RNF11: variants seen among roughly 807,000 people sequenced by gnomAD.
RNF11 encodes the protein ring finger protein 11.
Under a neutral mutation model 15.8 loss-of-function variants are expected in RNF11, and 4 were observed. The ratio of observed to expected loss-of-function variants is 0.25; its 90% CI spans 0.12 to 0.58. The LOEUF (loss-of-function observed/expected upper bound fraction) is 0.58. RNF11 is among the 20% of genes least tolerant of loss of function. RNF11 has a pLI of 0.91. For missense variants in RNF11, 139 were observed against 194.4 expected (o/e 0.71, Z 1.70); for synonymous variants, 68 against 72.3 (o/e 0.94, Z 0.30).
intron 1 of RNF11, among the ~76,000 whole-genome samples, chr1:51,256,232 C>T (rs1036304454): frequency 2.0e-5 from 3 of 152,116 alleles, no homozygotes; most frequent in Non-Finnish European, 4.4e-5. Flanking sequence ...TTCATCCCTC[C>T]CCCCAACACC....
At chr1:51,245,313 C>T (rs1646846894) in intron 1 of RNF11, among the ~76,000 whole-genome samples, 1 of 152,090 alleles carries the variant, frequency 6.6e-6, no homozygotes, top group Non-Finnish European at 1.5e-5. Context: ...CCACCACACC[C>T]AGCTATTTTT....
intron 1 of RNF11, among the ~76,000 whole-genome samples, chr1:51,241,750 A>G (rs1290811011): frequency 2.0e-5 from 3 of 152,186 alleles, no homozygotes; most frequent in Non-Finnish European, 4.4e-5. Flanking sequence ...AAATCTGCCC[A>G]GCGAAGGCAA....
chr1:51,264,090 C>T (rs1177882694), intron 1 of RNF11, among the ~76,000 whole-genome samples: 1 of 151,074 alleles, frequency 6.6e-6, no homozygotes, highest in African/African-American at 2.4e-5. Context: ...CCTGTCTCTA[C>T]AAAATGTATA....
chr1:51,238,668 C>A (rs1178609608), intron 1 of RNF11, among the ~76,000 whole-genome samples: 1 of 152,026 alleles, frequency 6.6e-6, no homozygotes, highest in African/African-American at 2.4e-5. Context: ...AGCAAGCAAG[C>A]TATGTTTATC....
intron 1 of RNF11, among the ~76,000 whole-genome samples, chr1:51,242,930 T>C (rs1244503064): frequency 6.6e-6 from 1 of 152,210 alleles, no homozygotes; most frequent in African/African-American, 2.4e-5. Flanking sequence ...CTTTTAACAA[T>C]TTACCTTTTT....
At chr1:51,250,332 A>G (rs1331450192) in intron 1 of RNF11, among the ~76,000 whole-genome samples, 1 of 152,184 alleles carries the variant, frequency 6.6e-6, no homozygotes, top group East Asian at 1.9e-4. Context: ...GCAGTTTTCA[A>G]GTATACACAA....
Position 51,236,573 on chromosome 1 carries a change from C to T in RNF11, c.-184C>T. The T allele has an allele frequency of 2.0e-6, 1 of 488,226 alleles. No individual in the cohort carries two copies. Among genetic ancestry groups the T allele is most frequent in the South Asian group, 2.4e-5 (1 of 40,888 alleles). The allele number at this position is 488,226 out of a possible 1,614,324, so 30.2% of individuals were successfully genotyped here. A position where few individuals can be genotyped will look rare whatever the true frequency, so the allele number is the denominator to read the frequency against. On this transcript the variant is annotated 5_prime_UTR_variant, in exon 1 of 3. Coordinates refer to ENST00000242719, the MANE Select transcript of RNF11 (RefSeq NM_014372.5). The stretch of plus-strand genomic sequence containing the variant: ...GCGGAGCCCGCGGCCCAGCCTTGAT[C>T]CCCCAACCCCGGGGGCTGGCATGAG...
chr1:51,251,629 A>G (rs956393477), intron 1 of RNF11, among the ~76,000 whole-genome samples: 1 of 152,224 alleles, frequency 6.6e-6, no homozygotes, highest in Admixed American at 6.5e-5. Flanking sequence ...TAAAGCATTC[A>G]CATCTATTAT....
intron 1 of RNF11, among the ~76,000 whole-genome samples, chr1:51,258,839 C>T (rs1646916646): frequency 6.6e-6 from 1 of 152,184 alleles, no homozygotes; most frequent in African/African-American, 2.4e-5. Context: ...ATTACTAAGG[C>T]ACCAATTCCT....
chr1:51,266,816 T>C (rs1423602278), intron 1 of RNF11, among the ~76,000 whole-genome samples: 1 of 152,224 alleles, frequency 6.6e-6, no homozygotes, highest in African/African-American at 2.4e-5. Context: ...ATATAATGTA[T>C]ATTACAAGAA....
chr1:51,241,883 C>T (rs773503048), intron 1 of RNF11, among the ~76,000 whole-genome samples: 1 of 152,118 alleles, frequency 6.6e-6, no homozygotes, highest in Non-Finnish European at 1.5e-5. Flanking sequence ...CTTGAGGTAC[C>T]CCTGTGTCAC....
intron 1 of RNF11, among the ~76,000 whole-genome samples, chr1:51,245,093 C>T (rs1646845908): frequency 6.6e-6 from 1 of 152,150 alleles, no homozygotes; most frequent in African/African-American, 2.4e-5. Flanking sequence ...CATAATCTTA[C>T]TCTGTTGCCT....
rs574332096 is a variant in RNF11, at chr1:51,263,248, A to T, written c.124-6708A>T. 2.0e-4 allele frequency among the ~76,000 whole-genome samples: 31 copies of T among 152,354 alleles called. 1 individual carries two copies. The South Asian group carries it at 6.0e-3, about 30-fold the overall frequency. On this transcript the variant is annotated intron_variant, in intron 1 of 2. Transcript: ENST00000242719. ...CATAACACTGTTATTCACAGTAGCT[A>T]ACAAGTAGAAACAACCCATGTCCAT...
intron 1 of RNF11, among the ~76,000 whole-genome samples, chr1:51,246,575 G>A (rs1029588687): frequency 6.6e-6 from 1 of 151,766 alleles, no homozygotes; most frequent in African/African-American, 2.4e-5. Flanking sequence ...GCATGGGGAA[G>A]GCCAGGTGTG....
chr1:51,268,112 A>G (rs1646963112), intron 1 of RNF11, among the ~76,000 whole-genome samples: 1 of 152,226 alleles, frequency 6.6e-6, no homozygotes, highest in African/African-American at 2.4e-5. Context: ...CAATTGAATC[A>G]GGATTCCATT....
At chr1:51,262,015 C>T (rs497110) in intron 1 of RNF11, among the ~76,000 whole-genome samples, 3,916 of 152,286 alleles carry the variant, frequency 0.026, 79 homozygotes, top group Non-Finnish European at 0.037. Flanking sequence ...CCACCACCCC[C>T]AGCTAATTTT....
chr1:51,269,974 G>C lies in RNF11; in HGVS notation c.142G>C (p.Val48Leu). ...PPYQEQVPVPVYHPTPSQTRL... is the reference protein window; with the variant it reads ...PPYQEQVPVPLYHPTPSQTRL... ...ATTTTAGGAACAAGTTCCAGTTCCA[G>C]TCTACCACCCAACACCTAGCCAGAC... Residue 48 changes from valine (V) to leucine (L), a missense_variant, in exon 2 of 3, where the codon GTC becomes CTC. By Grantham distance (32) the Val-to-Leu change is conservative. Coordinates refer to ENST00000242719, the MANE Select transcript of RNF11 (RefSeq NM_014372.5). The C allele has an allele frequency of 1.2e-6, 2 of 1,612,542 alleles. No individual in the cohort carries two copies. Among genetic ancestry groups the C allele is most frequent in the Non-Finnish European group, 1.7e-6 (2 of 1,179,624 alleles).
chr1:51,246,069 C>T (rs1646850423), intron 1 of RNF11, among the ~76,000 whole-genome samples: 1 of 152,024 alleles, frequency 6.6e-6, no homozygotes, highest in African/African-American at 2.4e-5. Context: ...AGTTTGAGAC[C>T]AGCCTGACCA....
chr1:51,251,076 C>T lies in RNF11; in HGVS notation c.123+14197C>T, dbSNP rs1177954051. 2.6e-6 allele frequency: 4 copies of T among 1,547,556 alleles called. No individual in the cohort carries two copies. In the South Asian group the frequency reaches 4.5e-5, roughly 17 times the overall value. ...GCACTTAACACCCAGACCGACGTGG[C>T]CATTGTAGTCCCCGATAGCAACAAA... On this transcript the variant is annotated intron_variant, in intron 1 of 2. Coordinates refer to ENST00000242719, the MANE Select transcript of RNF11 (RefSeq NM_014372.5).
Sources: gnomAD v4.1 joint callset for allele counts (sites outside exome capture counted in the v4.1 genomes callset) on GRCh38, gnomAD v4.1.1 for gene constraint, MANE v1.5 for transcripts, NCBI Gene and HGNC (gene_info 2026-07-23, HGNC 2026-07-21) for gene names.